KAZN: variants seen among roughly 807,000 people sequenced by gnomAD.
KAZN encodes kazrin.
A neutral mutation model predicts 87.4 loss-of-function variants in KAZN; 40 were observed. The ratio of observed to expected loss-of-function variants is 0.46; its 90% CI spans 0.36 to 0.60. The LOEUF is 0.60. KAZN is among the 20% of genes least tolerant of loss of function. The pLI, the probability that KAZN is intolerant of heterozygous loss-of-function variation, is 0.00. For missense variants in KAZN, 898 were observed against 1,073.9 expected, an observed-to-expected ratio of 0.84 and a Z score of 2.29; for synonymous variants, 466 against 458.3, an observed-to-expected ratio of 1.02 and a Z score of -0.22.
chr1:14,692,019 C>A, intron 1 of KAZN: 1 of 205,094 alleles, frequency 4.9e-6, no homozygotes. Flanking sequence ...CAATCACATT[C>A]TTATACTACC....
At chr1:14,331,337 C>T (rs6667600) in intron 2 of KAZN, among the ~76,000 whole-genome samples, 4,579 of 152,218 alleles carry the variant, frequency 0.03, 248 homozygotes, top group African/African-American at 0.1. Context: ...TATATGCACC[C>T]GCATTGTGGA....
intron 1 of KAZN, among the ~76,000 whole-genome samples, chr1:14,661,445 G>A (rs537185037): frequency 2.0e-5 from 3 of 152,188 alleles, no homozygotes; most frequent in African/African-American, 7.2e-5. Context: ...TTTAGGCTTT[G>A]AGCAACATAT....
intron 2 of KAZN, among the ~76,000 whole-genome samples, chr1:14,506,469 A>G (rs2148437466): frequency 6.6e-6 from 1 of 152,308 alleles, no homozygotes. Flanking sequence ...TGAGAACAGT[A>G]TCATATGGTG....
At chr1:14,102,194 C>T (rs1021280275) in intron 1 of KAZN, among the ~76,000 whole-genome samples, 1 of 152,162 alleles carries the variant, frequency 6.6e-6, no homozygotes, top group African/African-American at 2.4e-5. Context: ...GGGGAAGACG[C>T]CCTCAGCACA....
At chr1:14,681,342 A>C (rs1001983059) in intron 1 of KAZN, among the ~76,000 whole-genome samples, 1 of 152,068 alleles carries the variant, frequency 6.6e-6, no homozygotes, top group African/African-American at 2.4e-5. Context: ...ATTTGTGTTC[A>C]AGTCTTTTTG....
intron 1 of KAZN, among the ~76,000 whole-genome samples, chr1:14,105,892 G>A (rs1225891688): frequency 3.3e-5 from 5 of 152,340 alleles, no homozygotes; most frequent in Middle Eastern, 6.8e-3. Flanking sequence ...TGACATCAGG[G>A]TTGGGTTCGA....
chr1:14,762,758 T>A (rs984796893), intron 1 of KAZN, among the ~76,000 whole-genome samples: 75 of 151,426 alleles, frequency 5.0e-4, no homozygotes, highest in African/African-American at 1.8e-3. Context: ...GAGAAGCAAC[T>A]AAGTTCAGAT....
chr1:14,463,373 AGTCCTGTGG>A (rs1406014065), intron 2 of KAZN, among the ~76,000 whole-genome samples: 1 of 152,170 alleles, frequency 6.6e-6, no homozygotes, highest in African/African-American at 2.4e-5. Flanking sequence ...ACAGAAAACA[AGTCCTGTGG>A]GTCTCCTATC....
At chr1:14,211,008 T>C (rs1314187837) in intron 2 of KAZN, among the ~76,000 whole-genome samples, 1 of 152,038 alleles carries the variant, frequency 6.6e-6, no homozygotes, top group East Asian at 1.9e-4. Flanking sequence ...TTATAATTAT[T>C]ATAAAAATAG....
chr1:14,355,415 T>C (rs920160201), intron 2 of KAZN, among the ~76,000 whole-genome samples: 3 of 151,140 alleles, frequency 2.0e-5, no homozygotes, highest in African/African-American at 7.3e-5. Context: ...TATTTATTTA[T>C]TTATTTATTT....
intron 2 of KAZN, among the ~76,000 whole-genome samples, chr1:14,237,183 C>G (rs892102164): frequency 6.6e-6 from 1 of 152,148 alleles, no homozygotes; most frequent in African/African-American, 2.4e-5. Flanking sequence ...GCATCTCACT[C>G]TCTGATCTTC....
chr1:13,958,189 A>C (rs573167428), intron 1 of KAZN, among the ~76,000 whole-genome samples: 4 of 152,348 alleles, frequency 2.6e-5, no homozygotes, highest in African/African-American at 9.6e-5. Flanking sequence ...GGAAGACAGA[A>C]GTTATTGTAA....
intron 1 of KAZN, among the ~76,000 whole-genome samples, chr1:14,631,707 T>A (rs1194307899): frequency 2.0e-5 from 3 of 152,236 alleles, no homozygotes. Context: ...CACATGAGCC[T>A]TCATCCTTCA....
At chr1:14,181,498 G>A (rs973753465) in intron 2 of KAZN, among the ~76,000 whole-genome samples, 2 of 152,112 alleles carry the variant, frequency 1.3e-5, no homozygotes, top group African/African-American at 2.4e-5. Context: ...AATCAATCCC[G>A]AAGCCCGGGT....
intron 1 of KAZN, among the ~76,000 whole-genome samples, chr1:13,955,122 T>C (rs1641496751): frequency 6.6e-6 from 1 of 152,222 alleles, no homozygotes; most frequent in Non-Finnish European, 1.5e-5. Context: ...GTAAAATTTC[T>C]TGACATATCA....
intron 1 of KAZN, among the ~76,000 whole-genome samples, chr1:14,731,449 G>A (rs1643673507): frequency 6.6e-6 from 1 of 152,128 alleles, no homozygotes; most frequent in Non-Finnish European, 1.5e-5. Flanking sequence ...CTTGCTCCAG[G>A]GCCCACCCTT....
At chr1:14,295,544 C>G (rs1302285482) in intron 2 of KAZN, among the ~76,000 whole-genome samples, 1 of 152,100 alleles carries the variant, frequency 6.6e-6, no homozygotes, top group Admixed American at 6.6e-5. Context: ...TATACACACA[C>G]AGACATGCAG....
At chr1:14,950,529 G>A (rs973981453) in intron 1 of KAZN, among the ~76,000 whole-genome samples, 2 of 152,158 alleles carry the variant, frequency 1.3e-5, no homozygotes, top group Non-Finnish European at 2.9e-5. Context: ...TGGGCTTGAG[G>A]CTGGCATTTT....
intron 1 of KAZN, among the ~76,000 whole-genome samples, chr1:14,754,163 G>A (rs1644490187): frequency 1.3e-5 from 2 of 152,312 alleles, no homozygotes; most frequent in Middle Eastern, 3.4e-3. Context: ...TAAGAGTTGG[G>A]TGGGTTGGGG....
Sources: gnomAD v4.1 joint callset for allele counts (sites outside exome capture counted in the v4.1 genomes callset) on GRCh38, gnomAD v4.1.1 for gene constraint, MANE v1.5 for transcripts, NCBI Gene and HGNC (gene_info 2026-07-23, HGNC 2026-07-21) for gene names.